Variants in CAMSAP1 observed in about 807,000 individuals in gnomAD.
CAMSAP1 encodes calmodulin regulated spectrin associated protein 1.
A neutral mutation model predicts 143.5 loss-of-function variants in CAMSAP1; 58 were observed. The observed-to-expected ratio is 0.40, with a 90% CI of 0.33 to 0.50. The LOEUF is 0.50. Among genes scored for constraint, CAMSAP1 ranks in the 20% least tolerant of loss-of-function variants. The pLI, the probability that CAMSAP1 is intolerant of heterozygous loss-of-function variation, is 0.45. For synonymous variants in CAMSAP1, 945 were observed against 859.3 expected, an observed-to-expected ratio of 1.10 and a Z score of -1.74; for missense variants, 1,969 against 2,115.7, an observed-to-expected ratio of 0.93 and a Z score of 1.36.
In CAMSAP1 at chr9:135,808,642, T is replaced by C. The variant is rs1834930280; in HGVS notation, c.*2667A>G. On this transcript the variant is annotated 3_prime_UTR_variant, in exon 17 of 17. Transcript: ENST00000389532. ...AAGAATACAGTTTGGGCCTGAAGTC[T>C]GCTAAGAGACTGCACCGCAGTGACA... 6.6e-6 allele frequency: 1 copy of C among 152,254 alleles called. No individual in the cohort carries two copies. Among genetic ancestry groups the C allele is most frequent in the South Asian group, 2.1e-4 (1 of 4,836 alleles). The allele number at this position is 152,254 out of a possible 1,614,324, so 9.4% of individuals were successfully genotyped here.
chr9:135,834,708 A>G (rs1447220900), intron 7 of CAMSAP1, among the ~76,000 whole-genome samples: 3 of 152,092 alleles, frequency 2.0e-5, no homozygotes, highest in Admixed American at 6.6e-5. Flanking sequence ...GCAGCATGGG[A>G]CTATAGTTAG....
chr9:135,894,720 T>C (rs1051027422), intron 1 of CAMSAP1, among the ~76,000 whole-genome samples: 1 of 152,182 alleles, frequency 6.6e-6, no homozygotes, highest in Non-Finnish European at 1.5e-5. Context: ...ATAAAACCAG[T>C]ACCCAGAGTT....
intron 4 of CAMSAP1, among the ~76,000 whole-genome samples, chr9:135,865,790 A>C (rs1837356629): frequency 2.0e-5 from 3 of 152,082 alleles, no homozygotes; most frequent in Admixed American, 6.5e-5. Context: ...CCAGCTAACA[A>C]ATGCATGGCC....
At chr9:135,879,130 G>A (rs1450346606) in intron 3 of CAMSAP1, among the ~76,000 whole-genome samples, 2 of 152,116 alleles carry the variant, frequency 1.3e-5, no homozygotes, top group African/African-American at 4.8e-5. Context: ...TGTAATCACT[G>A]TAATTGCCAT....
At position 135,822,686 on chromosome 9, in the gene CAMSAP1, G is replaced by T. The variant is rs1272541362; in HGVS notation, c.1975C>A (p.Pro659Thr). The T allele has an allele frequency of 1.3e-6, 2 of 1,596,300 alleles. No homozygotes were observed. Among genetic ancestry groups the T allele is most frequent in the Admixed American group, 1.7e-5 (1 of 58,412 alleles). Residue 659 changes from proline (P) to threonine (T), a missense_variant, in exon 11 of 17, where the codon CCC (proline) becomes ACC (threonine). Coordinates refer to ENST00000389532, the MANE Select transcript of CAMSAP1 (RefSeq NM_015447.4). The surrounding 1 kb of genome is among the most constrained non-coding windows in gnomAD (Gnocchi z 6.1). ...TFTPIPCSEFPMGIDPTETGP... is the reference protein window; with the variant it reads ...TFTPIPCSEFTMGIDPTETGP... The stretch of plus-strand genomic sequence containing the variant: ...GTCTCGGTGGGGTCGATGCCCATGG[G>T]GAATTCTGAGCATGGAATCGGGGTA...
In CAMSAP1 at chr9:135,832,641, A is replaced by G. The variant is rs183349678; in HGVS notation, c.1046-5057T>C. Among the ~76,000 whole-genome samples, 11 of 152,358 alleles carry G rather than the reference A, an allele frequency of 7.2e-5. No homozygotes were observed. In the East Asian group the frequency reaches 2.1e-3, roughly 29 times the overall value. On this transcript the variant is annotated intron_variant, in intron 7 of 16. Coordinates refer to ENST00000389532, the MANE Select transcript of CAMSAP1 (RefSeq NM_015447.4). The stretch of plus-strand genomic sequence containing the variant: ...CAAGGTCCTACACATAGAAAATCCT[A>G]AAGGCTCCATAAAATAAGTGCTAGA...
chr9:135,846,578 C>T (rs1836560022), intron 7 of CAMSAP1, among the ~76,000 whole-genome samples: 1 of 150,020 alleles, frequency 6.7e-6, no homozygotes, highest in African/African-American at 2.5e-5. Flanking sequence ...AAACTATCAT[C>T]AGAGTGAACA....
chr9:135,822,735 G>A lies in CAMSAP1; in HGVS notation c.1926C>T (p.Gly642=), dbSNP rs1337632662. Residue 642 remains glycine, a synonymous_variant, in exon 11 of 17, where the codon GGC becomes GGT. Coordinates refer to ENST00000389532, the MANE Select transcript of CAMSAP1 (RefSeq NM_015447.4). This position sits in a 1 kb window ranked among gnomAD's most constrained non-coding sequence, Gnocchi z 6.1. ...TAAAAGTCCTATTCAAGTCGCGACT[G>A]CCAGTCATTTTCCTTCGTACCAAAG... ...PQPLVRRKMT[G]SRDLNRTFTP... 4 of 1,612,732 alleles carry A rather than the reference G, an allele frequency of 2.5e-6. No individual in the cohort carries two copies. The highest frequency in any genetic ancestry group is 3.4e-6 in the Non-Finnish European group (4 of 1,179,220).
In CAMSAP1 at chr9:135,821,347, G is replaced by T. The variant is rs140696174; in HGVS notation, c.3314C>A (p.Ala1105Glu). 10 of 1,613,596 alleles carry T rather than the reference G, an allele frequency of 6.2e-6. No homozygotes were observed. The Admixed American group carries it at 1.5e-4, about 24-fold the overall frequency. The stretch of plus-strand genomic sequence containing the variant: ...CCTGTCTTTTGGGACCTTCAGCTCC[G>T]CCGGCCTTCCGGAACGGGAATTCCG... ...QGRNSRSGRPAELKVPKDRPQ... is the reference protein window; with the variant it reads ...QGRNSRSGRPEELKVPKDRPQ... The change falls in exon 11 of 17, where the codon GCG (alanine) becomes GAG (glutamate). Residue 1105 changes from alanine to glutamate, a missense_variant. By Grantham distance (107) the Ala-to-Glu change is moderately radical. Coordinates refer to ENST00000389532, the MANE Select transcript of CAMSAP1 (RefSeq NM_015447.4). The surrounding 1 kb of genome is among the most constrained non-coding windows in gnomAD (Gnocchi z 4.6).
Position 135,821,400 on chromosome 9 carries a change from G to A in CAMSAP1, c.3261C>T (p.His1087=), listed in dbSNP as rs1835453578. The A allele has an allele frequency of 2.5e-6, 4 of 1,613,966 alleles. No homozygotes were observed. In the East Asian group the frequency reaches 8.9e-5, roughly 36 times the overall value. ...EPLSPTGVAG[H]RKAPRLGQGR... is the part of the protein sequence containing the mutation. Reference sequence around the variant, plus strand: ...CTTGACCCAGCCGGGGGGCTTTGCGGTGGCCAGCCACGCCCGTGGGAGAGA... The same window carrying A: ...CTTGACCCAGCCGGGGGGCTTTGCGATGGCCAGCCACGCCCGTGGGAGAGA... Residue 1087 remains histidine, a synonymous_variant, in exon 11 of 17, where the codon CAC becomes CAT. Coordinates refer to ENST00000389532, the MANE Select transcript of CAMSAP1 (RefSeq NM_015447.4). The surrounding 1 kb of genome is among the most constrained non-coding windows in gnomAD (Gnocchi z 4.6).
At chr9:135,878,828 G>A (rs544533219) in intron 3 of CAMSAP1, among the ~76,000 whole-genome samples, 2 of 152,172 alleles carry the variant, frequency 1.3e-5, no homozygotes, top group South Asian at 4.1e-4. Context: ...GTCACATAAG[G>A]AGAAACCACT....
rs17038736 is a variant in CAMSAP1 at position 135,882,311 on chromosome 9, C to T, written c.423+505G>A. ...ACGGCACCCGCAGTCTCACCGGGAA[C>T]GCCATGGGAGCAACCAAACAAAGGC... On this transcript the variant is annotated intron_variant, in intron 2 of 16. Transcript: ENST00000389532. This position sits in a 1 kb window ranked among gnomAD's most constrained non-coding sequence, Gnocchi z 4.9. Among the ~76,000 whole-genome samples, 21,974 of 152,056 alleles carry T rather than the reference C, an allele frequency of 0.14. 1,773 individuals are homozygous for T. Among genetic ancestry groups the T allele is most frequent in the Non-Finnish European group, 0.17 (11,762 of 67,982 alleles).
In CAMSAP1 at chr9:135,823,989, G is replaced by C; in HGVS notation, c.1361C>G (p.Pro454Arg). The stretch of plus-strand genomic sequence containing the variant: ...TGGCCAGGCTATTGCTGCTCCTCGA[G>C]GCTGACCATCAACTCGGGTCAAAGA... Reference protein sequence around the residue: ...SNSLTRVDGQPRGAAIAWPEK... With the variant: ...SNSLTRVDGQRRGAAIAWPEK... Residue 454 changes from proline (P) to arginine (R), a missense_variant, in exon 10 of 17, where the codon CCT becomes CGT. Pro to Arg is a moderately radical substitution (Grantham distance 103, BLOSUM62 -2). Around this residue, in one of 4 missense-constraint regions of CAMSAP1, gnomAD observed 1,390 missense variants for 1,420.8 expected, o/e 0.98. Transcript: ENST00000389532. The C allele has an allele frequency of 6.3e-7, 1 of 1,589,996 alleles. No individual in the cohort carries two copies. Among genetic ancestry groups the C allele is most frequent in the Non-Finnish European group, 8.6e-7 (1 of 1,167,832 alleles).
At chr9:135,892,848 CAAAA>C (rs59978082) in intron 1 of CAMSAP1, among the ~76,000 whole-genome samples, 3 of 42,074 alleles carry the variant, frequency 7.1e-5, no homozygotes, top group South Asian at 1.0e-3. Flanking sequence ...AAGACTGTCT[CAAAA>C]AAAAAAAAAA....
intron 1 of CAMSAP1, among the ~76,000 whole-genome samples, chr9:135,901,154 T>TCTG (rs1255506738): frequency 6.6e-6 from 1 of 152,234 alleles, no homozygotes; most frequent in Non-Finnish European, 1.5e-5. Flanking sequence ...CGTTCCTGTG[T>TCTG]CTGGGCTCCC....
At chr9:135,903,944 G>GA in intron 1 of CAMSAP1, among the ~76,000 whole-genome samples, 1 of 152,288 alleles carries the variant, frequency 6.6e-6, no homozygotes, top group African/African-American at 2.4e-5. Flanking sequence ...GGGTAGCAGC[G>GA]AATCTCACAC....
At position 135,877,675 on chromosome 9, in the gene CAMSAP1, G is replaced by A. The variant is rs550606019; in HGVS notation, c.585+3958C>T. On this transcript the variant is annotated intron_variant, in intron 3 of 16. Transcript: ENST00000389532. ...AAATTTTTTTTAATCAGCCAGGCACGGTGGTGCATGCCTGTAGTCCCAGCT... is the reference window on the plus strand; with the variant it reads ...AAATTTTTTTTAATCAGCCAGGCACAGTGGTGCATGCCTGTAGTCCCAGCT... Among the ~76,000 whole-genome samples, 13 of 152,082 alleles carry A rather than the reference G, an allele frequency of 8.5e-5. No homozygotes were observed. The East Asian group carries it at 1.5e-3, about 18-fold the overall frequency.
chr9:135,816,023 CAA>C lies in CAMSAP1; in HGVS notation c.4272-20_4272-19del, dbSNP rs1215637946. On this transcript the variant is annotated intron_variant, in intron 14 of 16. Coordinates refer to ENST00000389532, the MANE Select transcript of CAMSAP1 (RefSeq NM_015447.4). ...ATTCCACTCTGCAGGCAGAAACAGA[CAA>C]GAGACAGGCAGGTGAAGCGCTGGCT... 1.9e-6 allele frequency: 3 copies of C among 1,610,494 alleles called. No individual in the cohort carries two copies. Among genetic ancestry groups the C allele is most frequent in the Non-Finnish European group, 2.5e-6 (3 of 1,177,960 alleles).
At chr9:135,877,496 TAAAAAAAAAA>T (rs59498050) in intron 3 of CAMSAP1, among the ~76,000 whole-genome samples, 23 of 128,812 alleles carry the variant, frequency 1.8e-4, no homozygotes, top group Non-Finnish European at 3.2e-4. Context: ...AGAGCTGTCT[TAAAAAAAAAA>T]AAAAAAAGAA....
Sources: allele counts gnomAD v4.1 joint callset (sites outside exome capture counted in the v4.1 genomes callset), GRCh38; gene constraint gnomAD v4.1.1; regional missense constraint gnomAD v4.1.1; non-coding constraint Gnocchi (gnomAD v3.1); transcripts MANE v1.5; gene names NCBI Gene and HGNC (gene_info 2026-07-23, HGNC 2026-07-21).